P2RY2: variants seen among roughly 807,000 people sequenced by gnomAD.
P2RY2 encodes purinergic receptor P2Y2.
For synonymous variants in P2RY2, 241 were observed against 231.9 expected (o/e 1.04, Z -0.35); for missense variants, 567 against 515.7 (o/e 1.10, Z -0.96).
chr11:73,221,226 A>C (rs143503571), intron 1 of P2RY2, among the ~76,000 whole-genome samples: 3 of 152,290 alleles, frequency 2.0e-5, no homozygotes, highest in Middle Eastern at 3.4e-3. Context: ...CTCTGCAGAG[A>C]TGGCTTCACT....
Position 73,236,498 on chromosome 11 carries a change from GA to G in P2RY2, c.*1209del. Reference sequence around the variant, plus strand: ...GAGACTCCTGAGCTGTAGCTTCTGAGAAAAGCAGCTCACCGGAAGAACATCC... The same window carrying G: ...GAGACTCCTGAGCTGTAGCTTCTGAGAAAGCAGCTCACCGGAAGAACATCC... On this transcript the variant is annotated 3_prime_UTR_variant, in exon 3 of 3. Coordinates refer to ENST00000393597, the MANE Select transcript of P2RY2 (RefSeq NM_002564.4). 1.1e-6 allele frequency: 1 copy of G among 950,070 alleles called. No homozygotes were observed. The highest frequency in any genetic ancestry group is 1.3e-6 in the Non-Finnish European group (1 of 797,436). 58.9% of individuals were successfully genotyped at this position (950,070 alleles called of 1,614,324 possible).
chr11:73,237,271 A>T lies in P2RY2; in HGVS notation c.*1978A>T, dbSNP rs1862677283. ...AGTTTTTTTTTTCTTTTTGAGACGA[A>T]GTCTTGTTCTGTCACCCAGGCTGGA... On this transcript the variant is annotated 3_prime_UTR_variant, in exon 3 of 3. Transcript: ENST00000393597. 3.5e-6 allele frequency: 1 copy of T among 286,250 alleles called. No individual in the cohort carries two copies. Among genetic ancestry groups the T allele is most frequent in the Non-Finnish European group, 5.2e-6 (1 of 190,952 alleles). 17.7% of individuals were successfully genotyped at this position (286,250 alleles called of 1,614,324 possible). A position where few individuals can be genotyped will look rare whatever the true frequency, so the allele number is the denominator to read the frequency against.
Position 73,234,334 on chromosome 11 carries a change from T to C in P2RY2, c.175T>C (p.Leu59=), listed in dbSNP as rs1862551140. 1 of 1,614,232 alleles carries C rather than the reference T, an allele frequency of 6.2e-7. No homozygotes were observed. Among genetic ancestry groups the C allele is most frequent in the Non-Finnish European group, 8.5e-7 (1 of 1,180,030 alleles). Residue 59 remains leucine (L), a synonymous_variant, in exon 3 of 3, where the codon TTG becomes CTG. Coordinates refer to ENST00000393597, the MANE Select transcript of P2RY2 (RefSeq NM_002564.4). ...CLNAVALYIF[L]CRLKTWNAST... ...GAACGCCGTGGCGCTCTACATCTTC[T>C]TGTGCCGCCTCAAGACCTGGAATGC...
Position 73,241,033 on chromosome 11 carries a change from G to T in P2RY2, c.*5740G>T, listed in dbSNP as rs1435664053. The T allele has an allele frequency of 6.6e-6, 1 of 152,202 alleles. No homozygotes were observed. Among genetic ancestry groups the T allele is most frequent in the East Asian group, 1.9e-4 (1 of 5,196 alleles). 9.4% of individuals were successfully genotyped at this position (152,202 alleles called of 1,614,324 possible). ...CTAAGGGTGCAGCCCTCATGAATGG[G>T]TTTAGTGCCCTTACAGAATGGACCC... is the stretch of plus-strand genomic sequence containing the variant. On this transcript the variant is annotated 3_prime_UTR_variant, in exon 3 of 3. Transcript: ENST00000393597.
At position 73,238,542 on chromosome 11, in the gene P2RY2, G is replaced by A. The variant is rs928355869; in HGVS notation, c.*3249G>A. Among the ~76,000 whole-genome samples the A allele has an allele frequency of 6.6e-6, 1 of 152,170 alleles. No homozygotes were observed. Among genetic ancestry groups the A allele is most frequent in the Admixed American group, 6.5e-5 (1 of 15,278 alleles). Reference sequence around the variant, plus strand: ...CTGTCACCCTTGTCATGGCAGATTTGGGCTGCTCTGTTTAGAATCAGGCAC... The same window carrying A: ...CTGTCACCCTTGTCATGGCAGATTTAGGCTGCTCTGTTTAGAATCAGGCAC... On this transcript the variant is annotated 3_prime_UTR_variant, in exon 3 of 3. Transcript: ENST00000393597.
Position 73,235,276 on chromosome 11 carries a change from A to G in P2RY2, c.1117A>G (p.Lys373Glu), listed in dbSNP as rs777612853. The stretch of plus-strand genomic sequence containing the variant: ...CACGCCGGCTGGTAGCGAGAACACT[A>G]AGGACATTCGGCTGTAGGAGCAGAA... ...ESTPAGSENT[K>E]DIRL Residue 373 changes from lysine (K) to glutamate (E), a missense_variant, in exon 3 of 3, where the codon AAG (lysine) becomes GAG (glutamate). Coordinates refer to ENST00000393597, the MANE Select transcript of P2RY2 (RefSeq NM_002564.4). 4.5e-6 allele frequency: 7 copies of G among 1,563,666 alleles called. No individual in the cohort carries two copies. The East Asian group carries it at 1.4e-4, about 30-fold the overall frequency.
At chr11:73,229,529 G>A (rs1220352696) in intron 2 of P2RY2, among the ~76,000 whole-genome samples, 2 of 152,116 alleles carry the variant, frequency 1.3e-5, no homozygotes, top group African/African-American at 4.8e-5. Flanking sequence ...TCTAAGGCAG[G>A]GCTAGGAAAG....
chr11:73,231,371 C>T (rs1316231480), intron 2 of P2RY2, among the ~76,000 whole-genome samples: 2 of 134,492 alleles, frequency 1.5e-5, no homozygotes, highest in Admixed American at 8.4e-5. Flanking sequence ...CATGGCAAAA[C>T]CCCATCTCTA....
chr11:73,234,979 C>T lies in P2RY2; in HGVS notation c.820C>T (p.Leu274=). 6.2e-7 allele frequency: 1 copy of T among 1,609,788 alleles called. No homozygotes were observed. Among genetic ancestry groups the T allele is most frequent in the Non-Finnish European group, 8.5e-7 (1 of 1,179,996 alleles). Residue 274 remains leucine (L), a synonymous_variant, in exon 3 of 3, where the codon CTG becomes TTG. Transcript: ENST00000393597. ...TRTLYYSFRS[L]DLSCHTLNAI... ...CACCCTCTACTACTCCTTCCGCTCG[C>T]TGGACCTCAGCTGCCACACCCTCAA... is the stretch of plus-strand genomic sequence containing the variant.
chr11:73,234,646 G>T lies in P2RY2; in HGVS notation c.487G>T (p.Ala163Ser). ...VAGAVWVLVL[A>S]CQAPVLYFVT... ...CGGGGCCGTGTGGGTGTTGGTGCTG[G>T]CCTGCCAGGCCCCCGTGCTCTACTT... The change falls in exon 3 of 3, where the codon GCC becomes TCC. Residue 163 changes from alanine to serine, a missense_variant. By Grantham distance (99) the Ala-to-Ser change is moderately conservative. Coordinates refer to ENST00000393597, the MANE Select transcript of P2RY2 (RefSeq NM_002564.4). 1 of 1,578,042 alleles carries T rather than the reference G, an allele frequency of 6.3e-7. No individual in the cohort carries two copies. The highest frequency in any genetic ancestry group is 8.6e-7 in the Non-Finnish European group (1 of 1,161,182).
chr11:73,220,040 T>C (rs1862074310), intron 1 of P2RY2, among the ~76,000 whole-genome samples: 1 of 152,232 alleles, frequency 6.6e-6, no homozygotes, highest in Non-Finnish European at 1.5e-5. Flanking sequence ...TTATTATTTC[T>C]GTGTTGCCAG....
chr11:73,226,590 G>A lies in P2RY2; in HGVS notation c.-199-1391G>A, dbSNP rs182465508. Reference sequence around the variant, plus strand: ...GCCTTGTACTGCACTTCCAGCTTGGGAACCTGGGCTCAGCTGTCGCAGGCC... The same window carrying A: ...GCCTTGTACTGCACTTCCAGCTTGGAAACCTGGGCTCAGCTGTCGCAGGCC... On this transcript the variant is annotated intron_variant, in intron 1 of 2. Transcript: ENST00000393597. Among the ~76,000 whole-genome samples the A allele has an allele frequency of 4.3e-3, 650 of 152,216 alleles. 3 individuals are homozygous for A. Among genetic ancestry groups the A allele is most frequent in the Non-Finnish European group, 7.2e-3 (493 of 68,018 alleles).
rs552339310 is a variant in P2RY2, at chr11:73,229,559, A to C, written c.-5+1384A>C. 2.8e-4 allele frequency among the ~76,000 whole-genome samples: 43 copies of C among 152,014 alleles called. No individual in the cohort carries two copies. The South Asian group carries it at 8.3e-3, about 29-fold the overall frequency. On this transcript the variant is annotated intron_variant, in intron 2 of 2. Coordinates refer to ENST00000393597, the MANE Select transcript of P2RY2 (RefSeq NM_002564.4). ...GGAAAGATATACTCACAGGTTGGTG[A>C]GCCAGCCTGTAGAATGAGAGGGCGG...
intron 2 of P2RY2, among the ~76,000 whole-genome samples, chr11:73,231,343 C>T (rs1011755643): frequency 1.3e-4 from 19 of 144,404 alleles, no homozygotes; most frequent in African/African-American, 4.2e-4. Flanking sequence ...GTCAGGAATT[C>T]GAGACCAATG....
intron 1 of P2RY2, among the ~76,000 whole-genome samples, chr11:73,227,024 C>A (rs1862297888): frequency 6.6e-6 from 1 of 152,108 alleles, no homozygotes; most frequent in Non-Finnish European, 1.5e-5. Flanking sequence ...TGGTTTGCTG[C>A]ACCCATCAAC....
intron 1 of P2RY2, among the ~76,000 whole-genome samples, chr11:73,226,521 A>T (rs910993016): frequency 4.6e-5 from 7 of 152,056 alleles, no homozygotes; most frequent in Admixed American, 1.3e-4. Flanking sequence ...CCCGTACCCA[A>T]GCTATTCCTG....
At chr11:73,222,296 T>C (rs1862141603) in intron 1 of P2RY2, among the ~76,000 whole-genome samples, 1 of 152,110 alleles carries the variant, frequency 6.6e-6, no homozygotes, top group South Asian at 2.1e-4. Context: ...AGGGGGACTC[T>C]TGCCATGGCT....
At chr11:73,230,796 T>C (rs1286035742) in intron 2 of P2RY2, among the ~76,000 whole-genome samples, 1 of 151,958 alleles carries the variant, frequency 6.6e-6, no homozygotes, top group Non-Finnish European at 1.5e-5. Flanking sequence ...GAGGCTCAGT[T>C]ATGAAAACCT....
At position 73,238,855 on chromosome 11, in the gene P2RY2, A is replaced by G. The variant is rs1862716278; in HGVS notation, c.*3562A>G. 6.6e-6 allele frequency: 1 copy of G among 152,216 alleles called. No individual in the cohort carries two copies. Among genetic ancestry groups the G allele is most frequent in the Admixed American group, 6.5e-5 (1 of 15,294 alleles). The allele number at this position is 152,216 out of a possible 1,614,324, so 9.4% of individuals were successfully genotyped here. On this transcript the variant is annotated 3_prime_UTR_variant, in exon 3 of 3. Coordinates refer to ENST00000393597, the MANE Select transcript of P2RY2 (RefSeq NM_002564.4). The stretch of plus-strand genomic sequence containing the variant: ...GAAGGGTCTATAAGTGGCCCCTCGC[A>G]TGATTCAAGATGACAGAGGCAGTGT...
Sources: gnomAD v4.1 joint callset for allele counts (sites outside exome capture counted in the v4.1 genomes callset) on GRCh38, gnomAD v4.1.1 for gene constraint, MANE v1.5 for transcripts, NCBI Gene and HGNC (gene_info 2026-07-23, HGNC 2026-07-21) for gene names.